FRMD3: variants seen among roughly 807,000 people sequenced by gnomAD.
FRMD3 encodes FERM domain containing 3, also known as FERM domain-containing protein 3.
In FRMD3, 33 loss-of-function variants were observed where a neutral mutation model predicts 70.2. The ratio of observed to expected loss-of-function variants is 0.47; its 90% CI spans 0.36 to 0.63. The LOEUF (loss-of-function observed/expected upper bound fraction) is 0.63. Ranked by LOEUF, FRMD3 falls within the 20% of genes least tolerant of loss-of-function variation. The pLI is 0.00. For synonymous variants in FRMD3, 279 were observed against 255.9 expected (o/e 1.09, Z -0.86); for missense variants, 632 against 711.4 (o/e 0.89, Z 1.27).
chr9:83,581,328 C>G, the FRMD3 span, among the ~76,000 whole-genome samples: 1 of 152,130 alleles, frequency 6.6e-6, no homozygotes, highest in African/African-American at 2.4e-5. Context: ...AGACAGTCCT[C>G]CAAAGATACA....
chr9:83,345,343 A>G (rs1416625608), intron 4 of FRMD3, among the ~76,000 whole-genome samples: 1 of 152,218 alleles, frequency 6.6e-6, no homozygotes, highest in East Asian at 1.9e-4. Context: ...AAGGACTCAG[A>G]CTAGCTGCCT....
chr9:83,247,762 C>T lies in FRMD3; in HGVS notation c.*156G>A. 1 of 1,464,936 alleles carries T rather than the reference C, an allele frequency of 6.8e-7. No homozygotes were observed. 90.7% of individuals were successfully genotyped at this position (1,464,936 alleles called of 1,614,324 possible). A position where few individuals can be genotyped will look rare whatever the true frequency, so the allele number is the denominator to read the frequency against. ...TATTTGATTTAAACTTATTTAAGTG[C>T]AGTGAATTATGGAAAGCTAACTTAA... On this transcript the variant is annotated 3_prime_UTR_variant, in exon 14 of 14. Coordinates refer to ENST00000304195, the MANE Select transcript of FRMD3 (RefSeq NM_174938.6).
At position 83,538,200 on chromosome 9, in the gene FRMD3, C is replaced by T. The variant is rs767904376; in HGVS notation, c.32G>A (p.Gly11Asp). The part of the protein sequence containing the change: MFASCHCVPR[G>D]RRTMKMIHFR... ...GTGGATCATTTTCATGGTCCTCCTG[C>T]CTCTCGGCACACAGTGGCAGGAGGC... The change falls in exon 1 of 14, where the codon GGC (glycine) becomes GAC (aspartate). Residue 11 changes from glycine (G) to aspartate (D), a missense_variant. By Grantham distance (94) the Gly-to-Asp change is moderately conservative (BLOSUM62 -1). Coordinates refer to ENST00000304195, the MANE Select transcript of FRMD3 (RefSeq NM_174938.6). This position sits in a 1 kb window ranked among gnomAD's most constrained non-coding sequence, Gnocchi z 4.7. 8.8e-6 allele frequency: 14 copies of T among 1,595,060 alleles called. No individual in the cohort carries two copies. The highest frequency in any genetic ancestry group is 1.2e-5 in the Non-Finnish European group (14 of 1,169,844).
At chr9:83,458,845 GA>G (rs1459921280) in intron 1 of FRMD3, among the ~76,000 whole-genome samples, 2 of 151,946 alleles carry the variant, frequency 1.3e-5, no homozygotes, top group Non-Finnish European at 2.9e-5. Flanking sequence ...ACTTGGTGCA[GA>G]AAAAAAATTA....
intron 1 of FRMD3, among the ~76,000 whole-genome samples, chr9:83,474,620 C>G (rs567386742): frequency 6.6e-6 from 1 of 151,906 alleles, no homozygotes; most frequent in Non-Finnish European, 1.5e-5. Flanking sequence ...CTCATTCCAG[C>G]AATAATAGAT....
intron 12 of FRMD3, among the ~76,000 whole-genome samples, chr9:83,294,252 T>C (rs1268026225): frequency 6.6e-6 from 1 of 152,198 alleles, no homozygotes; most frequent in Non-Finnish European, 1.5e-5. Flanking sequence ...AGCAGGTGTT[T>C]GCCAGATGCT....
At chr9:83,347,481 CT>C (rs1263328058) in intron 4 of FRMD3, among the ~76,000 whole-genome samples, 6 of 152,140 alleles carry the variant, frequency 3.9e-5, no homozygotes, top group African/African-American at 1.4e-4. Flanking sequence ...AATCAACATT[CT>C]TTTTGTAACA....
At chr9:83,362,468 G>A (rs544223415) in intron 3 of FRMD3, among the ~76,000 whole-genome samples, 1 of 152,268 alleles carries the variant, frequency 6.6e-6, no homozygotes, top group African/African-American at 2.4e-5. Flanking sequence ...GTATGCATGT[G>A]TTATGCAGAG....
In FRMD3 at chr9:83,245,163, GT is replaced by G. The variant is rs1457593138; in HGVS notation, c.*2754del. On this transcript the variant is annotated 3_prime_UTR_variant, in exon 14 of 14. Coordinates refer to ENST00000304195, the MANE Select transcript of FRMD3 (RefSeq NM_174938.6). Reference sequence around the variant, plus strand: ...ATTATGCATGAGGGGCATATATGTTGTGTCTATTCAAAGACACACATATATA... The same window carrying G: ...ATTATGCATGAGGGGCATATATGTTGGTCTATTCAAAGACACACATATATA... 5 of 984,906 alleles carry G rather than the reference GT, an allele frequency of 5.1e-6. No homozygotes were observed. The highest frequency in any genetic ancestry group is 6.0e-6 in the Non-Finnish European group (5 of 829,646). 61.0% of individuals were successfully genotyped at this position (984,906 alleles called of 1,614,324 possible). A position where few individuals can be genotyped will look rare whatever the true frequency, so the allele number is the denominator to read the frequency against.
At chr9:83,403,869 T>C (rs1226316382) in intron 1 of FRMD3, among the ~76,000 whole-genome samples, 2 of 152,052 alleles carry the variant, frequency 1.3e-5, no homozygotes, top group African/African-American at 2.4e-5. Flanking sequence ...CTACTTTTTT[T>C]CCCCTCTCAA....
chr9:83,371,651 G>A lies in FRMD3; in HGVS notation c.295+1262C>T, dbSNP rs190519514. Among the ~76,000 whole-genome samples the A allele has an allele frequency of 1.7e-4, 26 of 152,240 alleles. No individual in the cohort carries two copies. The East Asian group carries it at 4.8e-3, about 28-fold the overall frequency. On this transcript the variant is annotated intron_variant, in intron 3 of 13. Transcript: ENST00000304195. ...TGGATGCACATCCCAACTCTCTTCCGCTCTTGCCCCAATTCTGCTCCAGCC... is the reference window on the plus strand; with the variant it reads ...TGGATGCACATCCCAACTCTCTTCCACTCTTGCCCCAATTCTGCTCCAGCC...
chr9:83,258,429 A>C (rs1209130101), intron 13 of FRMD3, among the ~76,000 whole-genome samples: 1 of 152,268 alleles, frequency 6.6e-6, no homozygotes, highest in Admixed American at 6.5e-5. Flanking sequence ...CAAAACAGCT[A>C]AAGAGCCTGG....
chr9:83,536,930 T>TAAAAAACAAAAAAAA (rs1829905233), intron 1 of FRMD3, among the ~76,000 whole-genome samples: 1 of 60,894 alleles, frequency 1.6e-5, no homozygotes, highest in African/African-American at 6.1e-5. Flanking sequence ...TGTATTACAC[T>TAAAAAACAAAAAAAA]AAAAAAAAAA....
intron 6 of FRMD3, among the ~76,000 whole-genome samples, chr9:83,318,879 T>C (rs1346121935): frequency 1.3e-5 from 2 of 152,214 alleles, no homozygotes; most frequent in Non-Finnish European, 2.9e-5. Flanking sequence ...TGGTTTTAAT[T>C]TGCATTTCTC....
the FRMD3 span, among the ~76,000 whole-genome samples, chr9:83,585,307 C>G: frequency 6.6e-6 from 1 of 152,170 alleles, no homozygotes; most frequent in East Asian, 1.9e-4. Flanking sequence ...GCTTAAGGAT[C>G]CAAAGAACCC....
chr9:83,524,660 A>G (rs1222715517), intron 1 of FRMD3, among the ~76,000 whole-genome samples: 2 of 152,240 alleles, frequency 1.3e-5, no homozygotes, highest in Admixed American at 1.3e-4. Context: ...TACAAGACAC[A>G]ATACCCCATC....
rs780983184 is a variant in FRMD3 at position 83,389,596 on chromosome 9, G to C, written c.252+8C>G. On this transcript the variant is annotated splice_region_variant and intron_variant, in intron 2 of 13. Coordinates refer to ENST00000304195, the MANE Select transcript of FRMD3 (RefSeq NM_174938.6). ...TGAAAATGGCTCCAGATAGAAATCAGCTCTTACCCTTTGCTTCTCTGGGTC... is the reference window on the plus strand; with the variant it reads ...TGAAAATGGCTCCAGATAGAAATCACCTCTTACCCTTTGCTTCTCTGGGTC... The C allele has an allele frequency of 2.5e-6, 4 of 1,594,326 alleles. No homozygotes were observed. Among genetic ancestry groups the C allele is most frequent in the Non-Finnish European group, 3.4e-6 (4 of 1,162,018 alleles).
At position 83,246,532 on chromosome 9, in the gene FRMD3, C is replaced by A; in HGVS notation, c.*1386G>T. 1 of 985,122 alleles carries A rather than the reference C, an allele frequency of 1.0e-6. No individual in the cohort carries two copies. The highest frequency in any genetic ancestry group is 1.2e-6 in the Non-Finnish European group (1 of 829,858). The allele number at this position is 985,122 out of a possible 1,614,324, so 61.0% of individuals were successfully genotyped here. On this transcript the variant is annotated 3_prime_UTR_variant, in exon 14 of 14. Transcript: ENST00000304195. ...TGAACTGGTATGTCATCTCATGAGG[C>A]CTCTCCAGTTTCTCTATGGAAGTCA...
chr9:83,247,569 T>TTA lies in FRMD3; in HGVS notation c.*347_*348dup, dbSNP rs1832168096. 1 of 1,014,962 alleles carries TTA rather than the reference T, an allele frequency of 9.9e-7. No individual in the cohort carries two copies. The highest frequency in any genetic ancestry group is 9.3e-5 in the East Asian group (1 of 10,768). 62.9% of individuals were successfully genotyped at this position (1,014,962 alleles called of 1,614,324 possible). A position where few individuals can be genotyped will look rare whatever the true frequency, so the allele number is the denominator to read the frequency against. ...GTTACTAAAATTCTGATTCTGAACC[T>TTA]TATAGCTTATAATGGTGCCAACTAT... On this transcript the variant is annotated 3_prime_UTR_variant, in exon 14 of 14. Coordinates refer to ENST00000304195, the MANE Select transcript of FRMD3 (RefSeq NM_174938.6).
Sources: allele counts gnomAD v4.1 joint callset (sites outside exome capture counted in the v4.1 genomes callset), GRCh38; gene constraint gnomAD v4.1.1; non-coding constraint Gnocchi (gnomAD v3.1); transcripts MANE v1.5; gene names NCBI Gene and HGNC (gene_info 2026-07-23, HGNC 2026-07-21).